OR11A1: variants seen among roughly 807,000 people sequenced by gnomAD.
OR11A1 encodes olfactory receptor 11A1.
For missense variants in OR11A1, 380 were observed against 378.2 expected (o/e 1.00, Z -0.04); for synonymous variants, 158 against 152.2 (o/e 1.04, Z -0.28).
At chr6:29,429,550 A>G (rs1783102366) in intron 3 of OR11A1, among the ~76,000 whole-genome samples, 2 of 152,194 alleles carry the variant, frequency 1.3e-5, no homozygotes, top group Admixed American at 1.3e-4. Flanking sequence ...AATGAATTCA[A>G]CCTGAAAGAA....
chr6:29,435,382 T>A (rs1310039747), intron 1 of OR11A1, among the ~76,000 whole-genome samples: 1 of 152,194 alleles, frequency 6.6e-6, no homozygotes, highest in Non-Finnish European at 1.5e-5. Flanking sequence ...TGACAACCAT[T>A]TATGTTGTTT....
Position 29,427,742 on chromosome 6 carries a change from A to G in OR11A1, c.-91-10T>C, listed in dbSNP as rs2151360197. The G allele has an allele frequency of 3.4e-6, 5 of 1,456,138 alleles. No homozygotes were observed. The highest frequency in any genetic ancestry group is 4.5e-6 in the Non-Finnish European group (5 of 1,104,270). 90.2% of individuals were successfully genotyped at this position (1,456,138 alleles called of 1,614,324 possible). ...CCTAACGTTATTAGAGCTAAAACAA[A>G]ACAAAACAAAAAAGACAAAAATGAG... is the stretch of plus-strand genomic sequence containing the variant. On this transcript the variant is annotated splice_polypyrimidine_tract_variant and intron_variant, in intron 4 of 4. Coordinates refer to ENST00000377149, the MANE Select transcript of OR11A1 (RefSeq NM_001394828.1).
At chr6:29,447,886 G>A (rs1339328325) in intron 1 of OR11A1, among the ~76,000 whole-genome samples, 1 of 151,884 alleles carries the variant, frequency 6.6e-6, no homozygotes, top group Non-Finnish European at 1.5e-5. Context: ...GCATTCCTTG[G>A]CTTTCTCTCT....
rs990694226 is a variant in OR11A1, at chr6:29,427,354, A to G, written c.288T>C (p.Ala96=). The change falls in exon 5 of 5, where the codon GCT becomes GCC. Residue 96 remains alanine, a synonymous_variant. Transcript: ENST00000377149. ...GFLQEATISV[A]GCLLQFFIFG... ...AGATAAAGAACTGGAGCAAGCAACC[A>G]GCCACAGAGATAGTTGCTTCTTGCA... 1.2e-6 allele frequency: 2 copies of G among 1,613,156 alleles called. No homozygotes were observed. Among genetic ancestry groups the G allele is most frequent in the Middle Eastern group, 1.6e-4 (1 of 6,062 alleles).
At chr6:29,437,221 A>G (rs1783705359) in intron 1 of OR11A1, among the ~76,000 whole-genome samples, 1 of 152,220 alleles carries the variant, frequency 6.6e-6, no homozygotes, top group South Asian at 2.1e-4. Context: ...TCATGCTGCT[A>G]TAAAGACACA....
At chr6:29,450,445 C>T (rs1785241338) in intron 1 of OR11A1, 1 of 152,198 alleles carries the variant, frequency 6.6e-6, no homozygotes, top group South Asian at 2.1e-4. Context: ...TGAAAGCTGT[C>T]CACAGCTATA....
At chr6:29,440,775 G>C in intron 1 of OR11A1, 1 of 1,613,810 alleles carries the variant, frequency 6.2e-7, no homozygotes, top group Non-Finnish European at 8.5e-7. Flanking sequence ...CTATGGCACC[G>C]CACTCTTTAT....
intron 1 of OR11A1, among the ~76,000 whole-genome samples, chr6:29,436,064 C>T (rs1783605894): frequency 6.6e-6 from 1 of 152,160 alleles, no homozygotes. Context: ...TGCAAAGTCA[C>T]CTGCTCCCTA....
chr6:29,440,520 G>T (rs1404287002), intron 1 of OR11A1: 20 of 1,613,540 alleles, frequency 1.2e-5, no homozygotes, highest in Admixed American at 1.7e-5. Flanking sequence ...GCCCTTCTGC[G>T]GCCCCAATAC....
chr6:29,432,660 T>A (rs982767483), intron 1 of OR11A1, among the ~76,000 whole-genome samples: 2 of 152,160 alleles, frequency 1.3e-5, no homozygotes, highest in African/African-American at 4.8e-5. Context: ...TATGTAGCGT[T>A]TCAATATCCT....
intron 4 of OR11A1, chr6:29,428,094 C>G (rs1582533269): frequency 2.6e-6 from 1 of 389,058 alleles, no homozygotes; most frequent in Non-Finnish European, 3.6e-6. Context: ...TTCTCAATCA[C>G]AACCAATTCC....
At chr6:29,428,140 T>C (rs909349830) in intron 4 of OR11A1, 19 of 655,202 alleles carry the variant, frequency 2.9e-5, no homozygotes, top group Non-Finnish European at 3.4e-5. Flanking sequence ...CTAATCCCCA[T>C]GGTCACTATC....
intron 4 of OR11A1, chr6:29,428,173 C>G: frequency 3.4e-6 from 3 of 894,328 alleles, no homozygotes; most frequent in Non-Finnish European, 4.0e-6. Context: ...TTATCTCAAC[C>G]GCCCCTTTCA....
chr6:29,437,146 T>C (rs1783699411), intron 1 of OR11A1, among the ~76,000 whole-genome samples: 1 of 152,218 alleles, frequency 6.6e-6, no homozygotes, highest in African/African-American at 2.4e-5. Context: ...CTCAGGGATC[T>C]AGAACTAGAA....
At chr6:29,431,342 A>C (rs189516898) in intron 2 of OR11A1, among the ~76,000 whole-genome samples, 1 of 152,298 alleles carries the variant, frequency 6.6e-6, no homozygotes, top group Non-Finnish European at 1.5e-5. Context: ...GATTTTTTTA[A>C]TCTGTTAATT....
At chr6:29,432,563 A>T (rs779501448) in intron 1 of OR11A1, among the ~76,000 whole-genome samples, 2 of 152,162 alleles carry the variant, frequency 1.3e-5, no homozygotes, top group African/African-American at 4.8e-5. Context: ...GGGGTGTTTT[A>T]TATAGATCAT....
At chr6:29,427,754 A>G in intron 4 of OR11A1, 22 bp from the exon 5 acceptor site, 1 of 1,442,332 alleles carries the variant, frequency 6.9e-7, no homozygotes, top group Non-Finnish European at 9.1e-7. Flanking sequence ...CAAAACAAAA[A>G]AGACAAAAAT....
chr6:29,434,911 G>A (rs549680732), intron 1 of OR11A1, among the ~76,000 whole-genome samples: 4 of 152,258 alleles, frequency 2.6e-5, no homozygotes, highest in East Asian at 1.9e-4. Context: ...ACTGCAAGAC[G>A]TGAAAAGATT....
chr6:29,450,040 T>C (rs2523442), intron 1 of OR11A1, among the ~76,000 whole-genome samples: 30,104 of 152,202 alleles, frequency 0.2, 3,842 homozygotes, highest in South Asian at 0.32. Context: ...TGACTTAGAA[T>C]AAGTCCTCCA....
Sources: allele counts gnomAD v4.1 joint callset (sites outside exome capture counted in the v4.1 genomes callset), GRCh38; gene constraint gnomAD v4.1.1; transcripts MANE v1.5; gene names NCBI Gene and HGNC (gene_info 2026-07-23, HGNC 2026-07-21).